The following MMP26 variants were observed in gnomAD, a reference collection of about 807,000 sequenced individuals.
The protein encoded by MMP26 is matrix metalloproteinase-26.
MMP26 carries 33 observed loss-of-function variants against 31.0 expected under a neutral mutation model. That is an observed-to-expected ratio of 1.06 (90% confidence interval 0.81 to 1.42). The LOEUF (loss-of-function observed/expected upper bound fraction) is 1.42. Among genes scored for constraint, MMP26 ranks in the 40% most tolerant of loss-of-function variants. The pLI is 0.00. For synonymous variants in MMP26, 122 were observed against 114.9 expected, an observed-to-expected ratio of 1.06 and a Z score of -0.40; for missense variants, 347 against 316.1, an observed-to-expected ratio of 1.10 and a Z score of -0.74.
intron 2 of MMP26, among the ~76,000 whole-genome samples, chr11:4,810,296 A>G (rs1849332850): frequency 7.7e-6 from 1 of 129,582 alleles, no homozygotes; most frequent in Non-Finnish European, 1.8e-5. Flanking sequence ...TACAATATGA[A>G]ACTGCTGATA....
Position 4,732,567 on chromosome 11 carries a change from T to C in MMP26, c.-217+27522T>C, listed in dbSNP as rs1472030972. Among the ~76,000 whole-genome samples the C allele has an allele frequency of 2.9e-5, 4 of 137,462 alleles. No homozygotes were observed. In the Admixed American group the frequency reaches 2.9e-4, roughly 10 times the overall value. 90.2% of individuals were successfully genotyped at this position (137,462 alleles called of 152,430 possible). A position where few individuals can be genotyped will look rare whatever the true frequency, so the allele number is the denominator to read the frequency against. ...AAAAAAAAAAAAAAAAAAAAGAAAA[T>C]TTTCATGAACCCCAAGAGAAGCACC... On this transcript the variant is annotated intron_variant, in intron 1 of 7. Coordinates refer to ENST00000380390, the MANE Select transcript of MMP26 (RefSeq NM_021801.5).
At chr11:4,774,200 G>A (rs12795377) in intron 2 of MMP26, among the ~76,000 whole-genome samples, 16,411 of 151,928 alleles carry the variant, frequency 0.11, 1,001 homozygotes, top group Middle Eastern at 0.18. Flanking sequence ...TTGAGGAATC[G>A]CCACACCATC....
At chr11:4,859,310 T>C (rs1413754586) in intron 2 of MMP26, among the ~76,000 whole-genome samples, 2 of 152,168 alleles carry the variant, frequency 1.3e-5, no homozygotes, top group African/African-American at 4.8e-5. Flanking sequence ...AAACATACAT[T>C]AGTGTTATCT....
chr11:4,937,667 G>A, intron 2 of MMP26: 1 of 154,046 alleles, frequency 6.5e-6, no homozygotes. Flanking sequence ...ACCAAGTCCA[G>A]CATAGTAGAA....
chr11:4,771,099 A>G (rs1011848541), intron 2 of MMP26, among the ~76,000 whole-genome samples: 2 of 152,214 alleles, frequency 1.3e-5, no homozygotes, highest in African/African-American at 4.8e-5. Context: ...CCATGTCTAA[A>G]GAAGGGGTAT....
At chr11:4,915,068 G>A (rs1245253115) in intron 2 of MMP26, 5 of 1,613,970 alleles carry the variant, frequency 3.1e-6, no homozygotes, top group East Asian at 4.5e-5. Context: ...GATGCTGTTG[G>A]CCTTCATGTC....
chr11:4,828,244 T>C (rs193067823), intron 2 of MMP26, among the ~76,000 whole-genome samples: 42 of 152,316 alleles, frequency 2.8e-4, no homozygotes, highest in African/African-American at 9.9e-4. Context: ...CATTACCTGC[T>C]AAAAACTGCT....
intron 2 of MMP26, chr11:4,907,666 TC>T: frequency 6.2e-7 from 1 of 1,614,102 alleles, no homozygotes. Flanking sequence ...CCTGCTTTGC[TC>T]AAGAATTCTT....
intron 2 of MMP26, among the ~76,000 whole-genome samples, chr11:4,796,544 C>T (rs538126511): frequency 5.3e-5 from 8 of 152,308 alleles, no homozygotes; most frequent in Non-Finnish European, 8.8e-5. Context: ...ATAAATCTTT[C>T]GTATCAAGTA....
intron 2 of MMP26, among the ~76,000 whole-genome samples, chr11:4,784,082 A>T (rs1206177288): frequency 6.6e-6 from 1 of 152,252 alleles, no homozygotes; most frequent in Non-Finnish European, 1.5e-5. Flanking sequence ...GGTAAAGCAT[A>T]GTTTGCTGCA....
intron 2 of MMP26, chr11:4,848,874 A>T: frequency 4.3e-6 from 7 of 1,614,206 alleles, no homozygotes; most frequent in Non-Finnish European, 5.9e-6. Context: ...AAAGACATGG[A>T]TAAAAACCAT....
intron 1 of MMP26, among the ~76,000 whole-genome samples, chr11:4,760,066 A>T (rs1848554020): frequency 6.6e-6 from 1 of 152,234 alleles, no homozygotes; most frequent in African/African-American, 2.4e-5. Flanking sequence ...ACTCAAGATA[A>T]AGAGTATTTT....
chr11:4,899,933 A>G (rs937210268), intron 2 of MMP26, among the ~76,000 whole-genome samples: 2 of 152,222 alleles, frequency 1.3e-5, no homozygotes, highest in African/African-American at 4.8e-5. Flanking sequence ...AAATGATGGT[A>G]AGTGGGACTA....
chr11:4,847,205 A>G (rs1172019672), intron 2 of MMP26, among the ~76,000 whole-genome samples: 1 of 152,234 alleles, frequency 6.6e-6, no homozygotes, highest in Non-Finnish European at 1.5e-5. Context: ...TGGCCAGAGA[A>G]AATTATGTGT....
chr11:4,774,282 C>T (rs1382845084), intron 2 of MMP26, among the ~76,000 whole-genome samples: 1 of 152,010 alleles, frequency 6.6e-6, no homozygotes, highest in African/African-American at 2.4e-5. Context: ...CACGACCTCA[C>T]CAGCTTCTGT....
intron 2 of MMP26, chr11:4,912,712 G>A (rs1851009848): frequency 6.6e-6 from 1 of 152,146 alleles, no homozygotes. Context: ...TACGTAACAG[G>A]CAGCTATAAC....
At chr11:4,766,578 A>G (rs937354528) in intron 1 of MMP26, among the ~76,000 whole-genome samples, 4 of 151,960 alleles carry the variant, frequency 2.6e-5, no homozygotes, top group South Asian at 2.1e-4. Flanking sequence ...TGTTGCTACA[A>G]TAAAAAGTGA....
At chr11:4,974,750 G>T (rs1432301255) in intron 2 of MMP26, among the ~76,000 whole-genome samples, 1 of 152,050 alleles carries the variant, frequency 6.6e-6, no homozygotes, top group East Asian at 1.9e-4. Flanking sequence ...TGTGGTACAT[G>T]TACGCCACAG....
intron 2 of MMP26, among the ~76,000 whole-genome samples, chr11:4,901,968 G>T (rs552080680): frequency 6.6e-6 from 1 of 152,016 alleles, no homozygotes; most frequent in African/African-American, 2.4e-5. Flanking sequence ...CTTGATAATC[G>T]AATCCAGGTT....
Sources: gnomAD v4.1 joint callset for allele counts (sites outside exome capture counted in the v4.1 genomes callset) on GRCh38, gnomAD v4.1.1 for gene constraint, MANE v1.5 for transcripts, NCBI Gene and HGNC (gene_info 2026-07-23, HGNC 2026-07-21) for gene names.